The following ACADM variants were observed in gnomAD, a reference collection of about 807,000 sequenced individuals.
ACADM encodes the protein medium-chain specific acyl-CoA dehydrogenase, mitochondrial.
ACADM carries 49 observed loss-of-function variants against 58.9 expected under a neutral mutation model. The ratio of observed to expected loss-of-function variants is 0.83; its 90% CI spans 0.66 to 1.06. The LOEUF (loss-of-function observed/expected upper bound fraction) is 1.06. Among genes scored for constraint, ACADM ranks in the 50% least tolerant of loss-of-function variants. The probability of loss-of-function intolerance (pLI) is 0.00; values close to 1 mark genes in which losing one functional copy is unlikely to be tolerated. For synonymous variants in ACADM, 160 were observed against 157.7 expected (o/e 1.01, Z -0.11); for missense variants, 496 against 507.0 (o/e 0.98, Z 0.21).
intron 7 of ACADM, chr1:75,743,558 C>T (rs1413429234): frequency 1.9e-6 from 3 of 1,595,734 alleles, no homozygotes; most frequent in African/African-American, 1.3e-5. Context: ...TCTACCTTGC[C>T]TCCTATAGCC....
chr1:75,749,019 A>G (rs1372605847), intron 8 of ACADM, among the ~76,000 whole-genome samples: 1 of 152,206 alleles, frequency 6.6e-6, no homozygotes, highest in African/African-American at 2.4e-5. Flanking sequence ...TAAAATAGAT[A>G]GCTTTCAAAC....
intron 10 of ACADM, among the ~76,000 whole-genome samples, chr1:75,752,171 G>A (rs1380852649): frequency 6.6e-6 from 1 of 151,692 alleles, no homozygotes; most frequent in Non-Finnish European, 1.5e-5. Context: ...TTGTAGAGAT[G>A]AGGTCTCACT....
At chr1:75,732,063 G>A (rs1647157303) in intron 2 of ACADM, among the ~76,000 whole-genome samples, 1 of 151,844 alleles carries the variant, frequency 6.6e-6, no homozygotes, top group Non-Finnish European at 1.5e-5. Flanking sequence ...GTGGTGGGAA[G>A]ATCATTTAAG....
chr1:75,755,268 C>T (rs1256820892), intron 10 of ACADM, among the ~76,000 whole-genome samples: 2 of 152,196 alleles, frequency 1.3e-5, no homozygotes, highest in Non-Finnish European at 2.9e-5. Flanking sequence ...TAGTGGTCCT[C>T]CCAGAATGGA....
At chr1:75,728,627 A>G (rs958799641) in intron 2 of ACADM, 139 bp downstream of exon 2, 6 of 642,858 alleles carry the variant, frequency 9.3e-6, no homozygotes, top group South Asian at 4.9e-5. Context: ...GATAATTTAC[A>G]ATAACTCACA....
intron 1 of ACADM, 111 bp downstream of exon 1, chr1:75,724,928 T>A (rs1459036196): frequency 4.2e-6 from 5 of 1,190,090 alleles, no homozygotes; most frequent in Non-Finnish European, 4.4e-6. Context: ...GAAGTCGGGC[T>A]GAGGAAGGAG....
Position 75,756,389 on chromosome 1 carries a change from G to A in ACADM, c.946-4733G>A, listed in dbSNP as rs144672404. On this transcript the variant is annotated intron_variant, in intron 10 of 11. Transcript: ENST00000370841. ...AAGTCTCTGGATACAAAATCAATGT[G>A]CAAAAATCACAAGCATTCCTATACA... Among the ~76,000 whole-genome samples, 116 of 150,048 alleles carry A rather than the reference G, an allele frequency of 7.7e-4. No individual in the cohort carries two copies. The East Asian group carries it at 0.02, about 26-fold the overall frequency.
At chr1:75,753,971 T>G (rs1225395488) in intron 10 of ACADM, among the ~76,000 whole-genome samples, 2 of 150,078 alleles carry the variant, frequency 1.3e-5, no homozygotes, top group Non-Finnish European at 3.0e-5. Context: ...TTTTTTTTTT[T>G]TTTTTGTAGA....
chr1:75,747,555 G>C (rs1341335948), intron 8 of ACADM, among the ~76,000 whole-genome samples: 1 of 152,184 alleles, frequency 6.6e-6, no homozygotes, highest in African/African-American at 2.4e-5. Context: ...GGAGGTTGAG[G>C]TGGGAGAACT....
intron 7 of ACADM, chr1:75,743,953 T>C: frequency 6.5e-7 from 1 of 1,537,344 alleles, no homozygotes; most frequent in African/African-American, 1.4e-5. Context: ...TAGTTTGAGG[T>C]TATGTTTCTT....
intron 10 of ACADM, among the ~76,000 whole-genome samples, chr1:75,759,345 C>CT (rs973375965): frequency 2.7e-4 from 41 of 152,238 alleles, no homozygotes; most frequent in Non-Finnish European, 2.2e-4. Flanking sequence ...TCCCAACCCT[C>CT]TAATCCTGCC....
chr1:75,740,234 A>T (rs1647493236), intron 7 of ACADM, 124 bp downstream of exon 7: 1 of 957,656 alleles, frequency 1.0e-6, no homozygotes. Flanking sequence ...GAAGGCCTAA[A>T]GGAGATTATA....
At chr1:75,753,725 G>T (rs1570897974) in intron 10 of ACADM, among the ~76,000 whole-genome samples, 1 of 147,380 alleles carries the variant, frequency 6.8e-6, no homozygotes, top group South Asian at 2.1e-4. Flanking sequence ...ACTCAAAATA[G>T]TCTTTTATCA....
Position 75,762,899 on chromosome 1 carries a change from T to C in ACADM, c.*136T>C. The C allele has an allele frequency of 3.3e-6, 2 of 610,304 alleles. No homozygotes were observed. The highest frequency in any genetic ancestry group is 2.9e-5 in the East Asian group (1 of 34,538). 37.8% of individuals were successfully genotyped at this position (610,304 alleles called of 1,614,324 possible). ...AAATCTAAGCAACTGCTTATTATAG[T>C]AGTTTATACTTTTGCTTAACTCTGT... is the stretch of plus-strand genomic sequence containing the variant. On this transcript the variant is annotated 3_prime_UTR_variant, in exon 12 of 12. Coordinates refer to ENST00000370841, the MANE Select transcript of ACADM (RefSeq NM_000016.6).
chr1:75,745,485 A>G (rs577787928), intron 7 of ACADM: 2 of 191,664 alleles, frequency 1.0e-5, no homozygotes. Context: ...GATCTTGTCT[A>G]AAAAAAAAAA....
chr1:75,736,533 C>T (rs1349079478), intron 6 of ACADM, among the ~76,000 whole-genome samples: 1 of 152,012 alleles, frequency 6.6e-6, no homozygotes, highest in Non-Finnish European at 1.5e-5. Flanking sequence ...GATTGTTCTC[C>T]TGTAGCATAT....
At chr1:75,746,879 A>G (rs1647934058) in intron 8 of ACADM, among the ~76,000 whole-genome samples, 1 of 152,142 alleles carries the variant, frequency 6.6e-6, no homozygotes, top group Admixed American at 6.6e-5. Flanking sequence ...GATTACAGGC[A>G]TGAGCCACTG....
At chr1:75,754,526 G>A (rs1021834970) in intron 10 of ACADM, among the ~76,000 whole-genome samples, 3 of 152,126 alleles carry the variant, frequency 2.0e-5, no homozygotes, top group Non-Finnish European at 4.4e-5. Flanking sequence ...TTCAGTCTGT[G>A]TACTCTATGT....
chr1:75,735,829 G>A (rs1647243131), intron 6 of ACADM, among the ~76,000 whole-genome samples: 1 of 140,454 alleles, frequency 7.1e-6, no homozygotes, highest in East Asian at 2.2e-4. Flanking sequence ...GCAACAGAGT[G>A]AGACTCTGTC....
Sources: gnomAD v4.1 joint callset for allele counts (sites outside exome capture counted in the v4.1 genomes callset) on GRCh38, gnomAD v4.1.1 for gene constraint, MANE v1.5 for transcripts, NCBI Gene and HGNC (gene_info 2026-07-23, HGNC 2026-07-21) for gene names.